PDGFB: variants seen among roughly 807,000 people sequenced by gnomAD.
PDGFB encodes the protein platelet derived growth factor subunit B, also known as platelet-derived growth factor subunit B.
PDGFB carries 6 observed loss-of-function variants against 29.0 expected under a neutral mutation model. That is an observed-to-expected ratio of 0.21 (90% CI 0.11 to 0.41). The LOEUF is 0.41. Ranked by LOEUF, PDGFB falls within the 10% of genes least tolerant of loss-of-function variation. The probability of loss-of-function intolerance (pLI) is 1.00; values close to 1 mark genes in which losing one functional copy is unlikely to be tolerated. For synonymous variants in PDGFB, 144 were observed against 140.8 expected (o/e 1.02, Z -0.16); for missense variants, 299 against 341.8 (o/e 0.87, Z 0.99).
At position 39,243,835 on chromosome 22, in the gene PDGFB, G is replaced by A; in HGVS notation, c.63+66C>T. On this transcript the variant is annotated intron_variant, in intron 1 of 6. Transcript: ENST00000331163. This position sits in a 1 kb window ranked among gnomAD's most constrained non-coding sequence, Gnocchi z 6.4. ...AAAGTTCACTGCAGGGAGAGGAGGGGGCGGTCAGAAGGGGGGGGCGAAGGT... is the reference window on the plus strand; with the variant it reads ...AAAGTTCACTGCAGGGAGAGGAGGGAGCGGTCAGAAGGGGGGGGCGAAGGT... 2 of 1,300,292 alleles carry A rather than the reference G, an allele frequency of 1.5e-6. No individual in the cohort carries two copies. Among genetic ancestry groups the A allele is most frequent in the Non-Finnish European group, 2.2e-6 (2 of 920,066 alleles). The allele number at this position is 1,300,292 out of a possible 1,614,324, so 80.5% of individuals were successfully genotyped here.
chr22:39,236,025 G>GGAGC (rs570111071), intron 1 of PDGFB, 151 bp from the exon 2 acceptor site: 26 of 622,996 alleles, frequency 4.2e-5, no homozygotes, highest in African/African-American at 3.3e-4. Flanking sequence ...CTGATGATCA[G>GGAGC]GAGCACAAAG....
rs1932293202 is a variant in PDGFB at position 39,231,158 on chromosome 22, G to C, written c.456+464C>G. ...ACAGCTTGTCAAAGAGAGACAAGCAGGTGTCAAAGATGCAGGGCCACCCAT... is the reference window on the plus strand; with the variant it reads ...ACAGCTTGTCAAAGAGAGACAAGCACGTGTCAAAGATGCAGGGCCACCCAT... On this transcript the variant is annotated intron_variant, in intron 4 of 6. Coordinates refer to ENST00000331163, the MANE Select transcript of PDGFB (RefSeq NM_002608.4). This position sits in a 1 kb window ranked among gnomAD's most constrained non-coding sequence, Gnocchi z 4.3. Among the ~76,000 whole-genome samples the C allele has an allele frequency of 6.6e-6, 1 of 152,144 alleles. No homozygotes were observed. Among genetic ancestry groups the C allele is most frequent in the Admixed American group, 6.5e-5 (1 of 15,278 alleles).
At chr22:39,226,043 T>C (rs1482736406) in intron 5 of PDGFB, among the ~76,000 whole-genome samples, 196 bp from the exon 6 acceptor site, 1 of 152,196 alleles carries the variant, frequency 6.6e-6, no homozygotes, top group Admixed American at 6.5e-5. Context: ...TGAAACTCTC[T>C]GAGCCTTGGC....
intron 1 of PDGFB, among the ~76,000 whole-genome samples, chr22:39,237,327 C>T (rs1360692713): frequency 6.6e-6 from 1 of 152,110 alleles, no homozygotes; most frequent in South Asian, 2.1e-4. Flanking sequence ...TTTAAAGCTA[C>T]ATCATTCCCT....
chr22:39,226,029 T>G (rs1293957721), intron 5 of PDGFB, among the ~76,000 whole-genome samples, 182 bp from the exon 6 acceptor site: 1 of 152,142 alleles, frequency 6.6e-6, no homozygotes, highest in Non-Finnish European at 1.5e-5. Context: ...TTGGGGACAA[T>G]GACTGAAACT....
intron 1 of PDGFB, among the ~76,000 whole-genome samples, chr22:39,237,005 G>A (rs1932460438): frequency 6.6e-6 from 1 of 152,144 alleles, no homozygotes; most frequent in South Asian, 2.1e-4. Flanking sequence ...AAGAAGGGAG[G>A]ACTTCCCTTC....
chr22:39,226,835 T>C (rs2146430913), intron 5 of PDGFB, among the ~76,000 whole-genome samples: 1 of 152,240 alleles, frequency 6.6e-6, no homozygotes, highest in African/African-American at 2.4e-5. Flanking sequence ...TGAGAAATGG[T>C]AGAGTGGGAT....
chr22:39,228,893 A>AAAAAAAAAAAATATATATATATAT (rs1184799325), intron 5 of PDGFB, among the ~76,000 whole-genome samples: 14 of 132,514 alleles, frequency 1.1e-4, no homozygotes, highest in Non-Finnish European at 2.2e-4. Flanking sequence ...CCTCAAAAAA[A>AAAAAAAAAAAATATATATATATAT]ATATATATAT....
chr22:39,242,715 C>T lies in PDGFB; in HGVS notation c.63+1186G>A, dbSNP rs575002875. Among the ~76,000 whole-genome samples, 1 of 152,096 alleles carries T rather than the reference C, an allele frequency of 6.6e-6. No homozygotes were observed. Among genetic ancestry groups the T allele is most frequent in the African/African-American group, 2.4e-5 (1 of 41,448 alleles). Reference sequence around the variant, plus strand: ...CGGGCCGCGGCCTCCGAGCCCTCCGCCTTAACCCCTTCGCCGCCGCTGCCT... The same window carrying T: ...CGGGCCGCGGCCTCCGAGCCCTCCGTCTTAACCCCTTCGCCGCCGCTGCCT... On this transcript the variant is annotated intron_variant, in intron 1 of 6. Transcript: ENST00000331163. The surrounding 1 kb of genome is among the most constrained non-coding windows in gnomAD (Gnocchi z 5.7).
At chr22:39,226,954 C>T (rs1023385162) in intron 5 of PDGFB, among the ~76,000 whole-genome samples, 7 of 152,168 alleles carry the variant, frequency 4.6e-5, no homozygotes, top group Non-Finnish European at 7.3e-5. Context: ...CCTCGATTTC[C>T]GCATCTTTAT....
At chr22:39,238,382 G>A (rs1445246342) in intron 1 of PDGFB, among the ~76,000 whole-genome samples, 3 of 152,080 alleles carry the variant, frequency 2.0e-5, no homozygotes, top group South Asian at 2.1e-4. Flanking sequence ...CAGGGAGACC[G>A]TCCCTGAAGA....
Position 39,231,665 on chromosome 22 carries a change from T to C in PDGFB, c.413A>G (p.Asn138Ser). 6.3e-7 allele frequency: 1 copy of C among 1,591,432 alleles called. No homozygotes were observed. The highest frequency in any genetic ancestry group is 8.5e-7 in the Non-Finnish European group (1 of 1,169,944). Residue 138 changes from asparagine to serine, a missense_variant, in exon 4 of 7, where the codon AAC becomes AGC. Asn to Ser is a conservative substitution (Grantham distance 46). Coordinates refer to ENST00000331163, the MANE Select transcript of PDGFB (RefSeq NM_002608.4). The surrounding 1 kb of genome is among the most constrained non-coding windows in gnomAD (Gnocchi z 4.3). ...CACCTGGGTGGGGCGGCACTGCACG[T>C]TGCGGTTGTTGCAGCAGCCGGAGCA... ...QRCSGCCNNR[N>S]VQCRPTQVQL... is the part of the protein sequence containing the mutation.
chr22:39,240,283 AG>A (rs1250081866), intron 1 of PDGFB, among the ~76,000 whole-genome samples: 1 of 152,030 alleles, frequency 6.6e-6, no homozygotes, highest in African/African-American at 2.4e-5. Flanking sequence ...CATCCCAGCC[AG>A]GGGACGGGGC....
Position 39,236,880 on chromosome 22 carries a change from C to G in PDGFB, c.64-1006G>C, listed in dbSNP as rs567017942. Among the ~76,000 whole-genome samples the G allele has an allele frequency of 9.8e-5, 15 of 152,324 alleles. 1 individual carries two copies. The South Asian group carries it at 2.7e-3, about 27-fold the overall frequency. On this transcript the variant is annotated intron_variant, in intron 1 of 6. Coordinates refer to ENST00000331163, the MANE Select transcript of PDGFB (RefSeq NM_002608.4). ...GTGTGCAAACACACACGTGCAGGCA[C>G]AGGCACTCGGGCTGCACGGTCTGGA...
chr22:39,226,819 C>A (rs938920178), intron 5 of PDGFB, among the ~76,000 whole-genome samples: 1 of 152,202 alleles, frequency 6.6e-6, no homozygotes, highest in East Asian at 1.9e-4. Flanking sequence ...CTGCCCCTTG[C>A]CACTCTGAGA....
intron 5 of PDGFB, among the ~76,000 whole-genome samples, chr22:39,228,299 TAAA>T (rs1343121996): frequency 3.3e-5 from 5 of 152,186 alleles, no homozygotes; most frequent in African/African-American, 1.2e-4. Context: ...ACTCTAAACA[TAAA>T]GAAGGCCAGG....
Position 39,231,080 on chromosome 22 carries a change from C to T in PDGFB, c.456+542G>A, listed in dbSNP as rs780848576. On this transcript the variant is annotated intron_variant, in intron 4 of 6. Coordinates refer to ENST00000331163, the MANE Select transcript of PDGFB (RefSeq NM_002608.4). This position sits in a 1 kb window ranked among gnomAD's most constrained non-coding sequence, Gnocchi z 4.3. ...ACTGTTGTCAGGGGACCTGCCCCAG[C>T]TCCGCAGTGTCTATCACCTGGTGGG... is the stretch of plus-strand genomic sequence containing the variant. Among the ~76,000 whole-genome samples the T allele has an allele frequency of 1.4e-4, 21 of 152,214 alleles. No individual in the cohort carries two copies. The highest frequency in any genetic ancestry group is 2.8e-4 in the Non-Finnish European group (19 of 68,042).
Position 39,225,584 on chromosome 22 carries a change from G to A in PDGFB, c.*28+111C>T, listed in dbSNP as rs376341574. 9.7e-5 allele frequency: 107 copies of A among 1,101,820 alleles called. No individual in the cohort carries two copies. The African/African-American group carries it at 1.5e-3, about 16-fold the overall frequency. The allele number at this position is 1,101,820 out of a possible 1,614,324, so 68.3% of individuals were successfully genotyped here. On this transcript the variant is annotated intron_variant, in intron 6 of 6. Transcript: ENST00000331163. Reference sequence around the variant, plus strand: ...CTGATAACTGGACAGGGAGGACCAAGGCTCAGAGGCTGGATTTTCTATGGA... The same window carrying A: ...CTGATAACTGGACAGGGAGGACCAAAGCTCAGAGGCTGGATTTTCTATGGA...
Position 39,231,464 on chromosome 22 carries a change from A to G in PDGFB, c.456+158T>C, listed in dbSNP as rs1306337889. Among the ~76,000 whole-genome samples, 1 of 151,792 alleles carries G rather than the reference A, an allele frequency of 6.6e-6. No homozygotes were observed. The highest frequency in any genetic ancestry group is 1.5e-5 in the Non-Finnish European group (1 of 67,932). The stretch of plus-strand genomic sequence containing the variant: ...CCACCTGCCTAGGAAGAGCTTCCCA[A>G]GAGTGGGCCTCTCTGGACAGAGCCC... On this transcript the variant is annotated intron_variant, in intron 4 of 6. Coordinates refer to ENST00000331163, the MANE Select transcript of PDGFB (RefSeq NM_002608.4). The surrounding 1 kb of genome is among the most constrained non-coding windows in gnomAD (Gnocchi z 4.3).
Sources: allele counts gnomAD v4.1 joint callset (sites outside exome capture counted in the v4.1 genomes callset), GRCh38; gene constraint gnomAD v4.1.1; non-coding constraint Gnocchi (gnomAD v3.1); transcripts MANE v1.5; gene names NCBI Gene and HGNC (gene_info 2026-07-23, HGNC 2026-07-21).